CCBE1: variants seen among roughly 807,000 people sequenced by gnomAD.
CCBE1 encodes the protein collagen and calcium-binding EGF domain-containing protein 1.
CCBE1 carries 37 observed loss-of-function variants against 50.0 expected under a neutral mutation model. That is an observed-to-expected ratio of 0.74 (90% CI 0.57 to 0.97). CCBE1 has a LOEUF of 0.97. CCBE1 is among the 50% of genes least tolerant of loss of function. The pLI, the probability that CCBE1 is intolerant of heterozygous loss-of-function variation, is 0.00. For synonymous variants in CCBE1, 234 were observed against 203.7 expected, an observed-to-expected ratio of 1.15 and a Z score of -1.27; for missense variants, 538 against 523.8, an observed-to-expected ratio of 1.03 and a Z score of -0.26.
chr18:59,580,039 GAGAGGGAAAAGTTTGGGTCTA>G lies in CCBE1; in HGVS notation c.213-99822_213-99802del, dbSNP rs567033460. The stretch of plus-strand genomic sequence containing the variant: ...TAGGATGGATCTTCTGTGAAAGCCA[GAGAGGGAAAAGTTTGGGTCTA>G]AGGGTAAAGGCAGTTGTTGCTCTAT... On this transcript the variant is annotated intron_variant, in intron 2 of 10. Coordinates refer to ENST00000439986, the MANE Select transcript of CCBE1 (RefSeq NM_133459.4). Among the ~76,000 whole-genome samples the G allele has an allele frequency of 5.9e-5, 9 of 152,310 alleles. No individual in the cohort carries two copies. The East Asian group carries it at 1.5e-3, about 26-fold the overall frequency.
chr18:59,439,936 T>A, intron 7 of CCBE1, 120 bp from the exon 8 acceptor site: 1 of 1,059,170 alleles, frequency 9.4e-7, no homozygotes, highest in Non-Finnish European at 1.4e-6. Context: ...CTTTGCCTTC[T>A]GACATCTCCA....
intron 2 of CCBE1, among the ~76,000 whole-genome samples, chr18:59,504,245 A>G (rs948267475): frequency 6.6e-6 from 1 of 152,188 alleles, no homozygotes; most frequent in Non-Finnish European, 1.5e-5. Context: ...ATAATCCCCA[A>G]GAAAATAGAT....
intron 2 of CCBE1, among the ~76,000 whole-genome samples, chr18:59,676,068 A>T (rs1483232573): frequency 6.6e-6 from 1 of 152,228 alleles, no homozygotes; most frequent in East Asian, 1.9e-4. Flanking sequence ...CCCAGATGTC[A>T]TCTTATAGCC....
rs2053320738 is a variant in CCBE1 at position 59,594,456 on chromosome 18, G to A, written c.212+102173C>T. 1.3e-5 allele frequency among the ~76,000 whole-genome samples: 2 copies of A among 152,338 alleles called. 1 individual carries two copies. The highest frequency in any genetic ancestry group is 4.1e-4 in the South Asian group (2 of 4,826). ...AGTTTCCGTTGGGGAAACTCAAAGT[G>A]TACTGGAGATGGATGATGATTGATG... is the stretch of plus-strand genomic sequence containing the variant. On this transcript the variant is annotated intron_variant, in intron 2 of 10. Transcript: ENST00000439986.
intron 2 of CCBE1, among the ~76,000 whole-genome samples, chr18:59,585,114 C>T (rs2053159050): frequency 6.6e-6 from 1 of 152,048 alleles, no homozygotes; most frequent in Admixed American, 6.5e-5. Flanking sequence ...CTGCAGCAGC[C>T]CGCCATGTTC....
chr18:59,597,121 G>T (rs2053363616), intron 2 of CCBE1, among the ~76,000 whole-genome samples: 1 of 152,252 alleles, frequency 6.6e-6, no homozygotes, highest in Admixed American at 6.5e-5. Context: ...GCCTGGCTCT[G>T]TGATCAGGCT....
Position 59,562,887 on chromosome 18 carries a change from G to GGA in CCBE1, c.213-82650_213-82649insTC, listed in dbSNP as rs560791036. Among the ~76,000 whole-genome samples, 10 of 73,018 alleles carry GGA rather than the reference G, an allele frequency of 1.4e-4. No individual in the cohort carries two copies. In the South Asian group the frequency reaches 4.4e-3, roughly 32 times the overall value. The allele number at this position is 73,018 out of a possible 152,430, so 47.9% of individuals were successfully genotyped here. On this transcript the variant is annotated intron_variant, in intron 2 of 10. Transcript: ENST00000439986. Reference sequence around the variant, plus strand: ...AGCCTGTGGCCAGGCCGCCTTAGAGGTTTCGATCTCGTTTGTTTCAGTTCT... The same window carrying GGA: ...AGCCTGTGGCCAGGCCGCCTTAGAGGGATTTCGATCTCGTTTGTTTCAGTTCT...
At chr18:59,558,877 A>T (rs4608425) in intron 2 of CCBE1, among the ~76,000 whole-genome samples, 7 of 152,000 alleles carry the variant, frequency 4.6e-5, no homozygotes, top group Non-Finnish European at 7.4e-5. Flanking sequence ...TGAGAAAGCT[A>T]GTTTGAGAAA....
chr18:59,669,391 G>A (rs1246607990), intron 2 of CCBE1, among the ~76,000 whole-genome samples: 1 of 152,228 alleles, frequency 6.6e-6, no homozygotes, highest in African/African-American at 2.4e-5. Context: ...TCCCTGGAAA[G>A]AGGGTTCTGA....
intron 5 of CCBE1, among the ~76,000 whole-genome samples, chr18:59,459,618 T>C (rs1911364506): frequency 6.6e-6 from 1 of 152,220 alleles, no homozygotes; most frequent in African/African-American, 2.4e-5. Context: ...GCATTAGAAG[T>C]TGTAATGCCT....
intron 2 of CCBE1, among the ~76,000 whole-genome samples, chr18:59,562,861 G>A (rs2052760835): frequency 1.3e-5 from 2 of 150,762 alleles, no homozygotes; most frequent in East Asian, 2.0e-4. Context: ...TGCCATCACT[G>A]AGCCTGTGGC....
chr18:59,668,834 T>C, intron 2 of CCBE1, among the ~76,000 whole-genome samples: 1 of 146,982 alleles, frequency 6.8e-6, no homozygotes, highest in Non-Finnish European at 1.5e-5. Context: ...TTTTTTTTTT[T>C]TTTTTTGTGA....
chr18:59,505,246 TCCTTTGC>T (rs1334224998), intron 2 of CCBE1, among the ~76,000 whole-genome samples: 1 of 152,330 alleles, frequency 6.6e-6, no homozygotes, highest in East Asian at 1.9e-4. Context: ...GTGTTCCTCT[TCCTTTGC>T]CAAAGGACCA....
In CCBE1 at chr18:59,601,010, G is replaced by GTTTTTTTTT. The variant is rs71177045; in HGVS notation, c.212+95610_212+95618dup. ...GATCTATTTTATTAGCTATGTGTCA[G>GTTTTTTTTT]TTTTTTTTTTTTTTTTTTTTTTTTT... On this transcript the variant is annotated intron_variant, in intron 2 of 10. Coordinates refer to ENST00000439986, the MANE Select transcript of CCBE1 (RefSeq NM_133459.4). 1.5e-3 allele frequency among the ~76,000 whole-genome samples: 87 copies of GTTTTTTTTT among 58,010 alleles called. 23 individuals are homozygous for GTTTTTTTTT. Among genetic ancestry groups the GTTTTTTTTT allele is most frequent in the Non-Finnish European group, 2.1e-3 (59 of 28,342 alleles). The allele number at this position is 58,010 out of a possible 152,430, so 38.1% of individuals were successfully genotyped here. A position where few individuals can be genotyped will look rare whatever the true frequency, so the allele number is the denominator to read the frequency against.
intron 2 of CCBE1, among the ~76,000 whole-genome samples, chr18:59,492,321 T>C (rs1293559160): frequency 2.6e-5 from 4 of 152,144 alleles, no homozygotes; most frequent in African/African-American, 9.7e-5. Context: ...AGAGCCGTTT[T>C]CCCATATCTG....
intron 3 of CCBE1, among the ~76,000 whole-genome samples, chr18:59,472,803 G>A (rs1240440604): frequency 6.6e-6 from 1 of 152,232 alleles, no homozygotes; most frequent in East Asian, 1.9e-4. Context: ...ATAAAGGAAA[G>A]AGGTTTAACT....
chr18:59,488,836 G>A (rs1419862323), intron 2 of CCBE1, among the ~76,000 whole-genome samples: 1 of 152,200 alleles, frequency 6.6e-6, no homozygotes, highest in Non-Finnish European at 1.5e-5. Flanking sequence ...AAGCCCAACA[G>A]CACATGTAAA....
intron 2 of CCBE1, among the ~76,000 whole-genome samples, chr18:59,561,608 G>A (rs1054946194): frequency 6.6e-6 from 1 of 152,242 alleles, no homozygotes; most frequent in African/African-American, 2.4e-5. Flanking sequence ...CTGTACAGGT[G>A]CTCTTGGGCT....
At position 59,438,141 on chromosome 18, in the gene CCBE1, C is replaced by G. The variant is rs1319050474; in HGVS notation, c.957G>C (p.Glu319Asp). Reference protein sequence around the residue: ...GAPGRDGSKGERGAPGPRGSP... With the variant: ...GAPGRDGSKGDRGAPGPRGSP... Reference sequence around the variant, plus strand: ...ACCCTCTGGGCCCAGGCGCTCCTCTCTCCCCCTAAAAACAGAAAGGCCAGG... The same window carrying G: ...ACCCTCTGGGCCCAGGCGCTCCTCTGTCCCCCTAAAAACAGAAAGGCCAGG... The change falls in exon 10 of 11, where the codon GAG becomes GAC. Residue 319 changes from glutamate to aspartate, a missense_variant. Coordinates refer to ENST00000439986, the MANE Select transcript of CCBE1 (RefSeq NM_133459.4). 1 of 1,614,054 alleles carries G rather than the reference C, an allele frequency of 6.2e-7. No individual in the cohort carries two copies. The highest frequency in any genetic ancestry group is 8.5e-7 in the Non-Finnish European group (1 of 1,180,048).
Sources: allele counts gnomAD v4.1 joint callset (sites outside exome capture counted in the v4.1 genomes callset), GRCh38; gene constraint gnomAD v4.1.1; transcripts MANE v1.5; gene names NCBI Gene and HGNC (gene_info 2026-07-23, HGNC 2026-07-21).